The following AUTS2 variants were observed in gnomAD, a reference collection of about 807,000 sequenced individuals.
The protein encoded by AUTS2 is activator of transcription and developmental regulator AUTS2, also known as autism susceptibility gene 2 protein.
Under a neutral mutation model 112.4 loss-of-function variants are expected in AUTS2, and 17 were observed. The observed-to-expected ratio is 0.15, with a 90% CI of 0.10 to 0.23. The LOEUF (loss-of-function observed/expected upper bound fraction) is 0.23. Among genes scored for constraint, AUTS2 ranks in the 10% least tolerant of loss-of-function variants. AUTS2 has a pLI of 1.00. For synonymous variants in AUTS2, 751 were observed against 702.7 expected (o/e 1.07, Z -1.09); for missense variants, 1,510 against 1,701.6 (o/e 0.89, Z 1.98).
At chr7:69,838,090 A>G (rs778597820) in intron 1 of AUTS2, among the ~76,000 whole-genome samples, 3 of 152,182 alleles carry the variant, frequency 2.0e-5, no homozygotes, top group Non-Finnish European at 2.9e-5. Context: ...GGTATGGATA[A>G]ATACTGAAAT....
intron 1 of AUTS2, among the ~76,000 whole-genome samples, chr7:69,604,473 C>T (rs1433516940): frequency 6.6e-6 from 1 of 152,166 alleles, no homozygotes; most frequent in African/African-American, 2.4e-5. Context: ...GAAACAGGTA[C>T]TTGAATGCCT....
chr7:69,779,322 G>C (rs1789041697), intron 1 of AUTS2, among the ~76,000 whole-genome samples: 2 of 152,290 alleles, frequency 1.3e-5, no homozygotes, highest in South Asian at 2.1e-4. Context: ...GAATTGGAAA[G>C]GTTATCTTTT....
intron 5 of AUTS2, among the ~76,000 whole-genome samples, chr7:70,609,918 A>C (rs1803987897): frequency 6.6e-6 from 1 of 151,958 alleles, no homozygotes; most frequent in South Asian, 2.1e-4. Flanking sequence ...TTGGATACAT[A>C]CCCTAAAGTG....
intron 1 of AUTS2, among the ~76,000 whole-genome samples, chr7:69,823,117 T>C (rs1314419781): frequency 6.6e-6 from 1 of 152,158 alleles, no homozygotes; most frequent in African/African-American, 2.4e-5. Flanking sequence ...AAGGCAGAAC[T>C]GTAAAAAAAA....
At chr7:70,314,292 C>T (rs1289276436) in intron 4 of AUTS2, among the ~76,000 whole-genome samples, 3 of 152,220 alleles carry the variant, frequency 2.0e-5, no homozygotes, top group East Asian at 3.8e-4. Context: ...CCCCATTTTA[C>T]AAATTGGCAT....
chr7:69,872,357 C>G (rs1161123183), intron 1 of AUTS2, among the ~76,000 whole-genome samples: 1 of 152,214 alleles, frequency 6.6e-6, no homozygotes, highest in African/African-American at 2.4e-5. Context: ...TTATCTGTAA[C>G]TTGCTGAAAT....
chr7:70,635,314 C>A (rs1176318579), intron 5 of AUTS2, among the ~76,000 whole-genome samples: 1 of 152,192 alleles, frequency 6.6e-6, no homozygotes, highest in Non-Finnish European at 1.5e-5. Flanking sequence ...ACCCCCTTGG[C>A]TGCCAGTGAG....
At chr7:70,671,724 T>C (rs943187216) in intron 5 of AUTS2, among the ~76,000 whole-genome samples, 1 of 152,198 alleles carries the variant, frequency 6.6e-6, no homozygotes, top group African/African-American at 2.4e-5. Flanking sequence ...GACCGTACAG[T>C]GTCAGTGAGG....
intron 4 of AUTS2, among the ~76,000 whole-genome samples, chr7:70,154,798 C>T (rs550317796): frequency 6.6e-6 from 1 of 152,304 alleles, no homozygotes; most frequent in East Asian, 1.9e-4. Context: ...GGATCAGCCT[C>T]AGAGTGAAAC....
At chr7:70,455,564 TCA>T (rs1316474537) in intron 5 of AUTS2, among the ~76,000 whole-genome samples, 5 of 152,240 alleles carry the variant, frequency 3.3e-5, no homozygotes, top group African/African-American at 1.2e-4. Context: ...TGGCTACACA[TCA>T]CAGTCACTCA....
chr7:69,939,608 T>C (rs895482407), intron 2 of AUTS2, among the ~76,000 whole-genome samples: 5 of 152,202 alleles, frequency 3.3e-5, no homozygotes, highest in Non-Finnish European at 7.4e-5. Flanking sequence ...ACCTCTGAGT[T>C]GATGAATATT....
chr7:69,876,864 T>C (rs1793826878), intron 1 of AUTS2, among the ~76,000 whole-genome samples: 1 of 152,096 alleles, frequency 6.6e-6, no homozygotes, highest in African/African-American at 2.4e-5. Flanking sequence ...CTTGCTTTTC[T>C]GTTTAAATAC....
intron 4 of AUTS2, among the ~76,000 whole-genome samples, chr7:70,429,322 G>A (rs925350869): frequency 2.0e-5 from 3 of 152,220 alleles, no homozygotes; most frequent in Admixed American, 6.5e-5. Flanking sequence ...TCATTCTCTG[G>A]TTGGAAAGAC....
chr7:69,611,162 A>G (rs1022052667), intron 1 of AUTS2, among the ~76,000 whole-genome samples: 1 of 152,248 alleles, frequency 6.6e-6, no homozygotes, highest in East Asian at 1.9e-4. Flanking sequence ...TGTCTGTTGA[A>G]AATAGTTATT....
At chr7:70,485,648 C>CAA (rs34602716) in intron 5 of AUTS2, among the ~76,000 whole-genome samples, 3 of 151,120 alleles carry the variant, frequency 2.0e-5, no homozygotes, top group Non-Finnish European at 3.0e-5. Flanking sequence ...CTGAACCCTT[C>CAA]AAAAAAAAAG....
At chr7:69,700,130 G>A (rs956647307) in intron 1 of AUTS2, among the ~76,000 whole-genome samples, 5 of 152,162 alleles carry the variant, frequency 3.3e-5, no homozygotes, top group African/African-American at 1.2e-4. Context: ...CAACAGGGTG[G>A]TGGTGTTAAA....
At chr7:70,382,380 A>T (rs1793408028) in intron 4 of AUTS2, among the ~76,000 whole-genome samples, 1 of 152,076 alleles carries the variant, frequency 6.6e-6, no homozygotes, top group Non-Finnish European at 1.5e-5. Context: ...TGCCTGGCTA[A>T]TTTTCCTAAA....
intron 1 of AUTS2, among the ~76,000 whole-genome samples, chr7:69,807,081 G>A (rs1438776637): frequency 6.6e-6 from 1 of 152,050 alleles, no homozygotes; most frequent in Non-Finnish European, 1.5e-5. Flanking sequence ...CTTAAATGGG[G>A]TTGTGGTTGC....
intron 5 of AUTS2, among the ~76,000 whole-genome samples, chr7:70,475,804 G>A (rs1478105685): frequency 6.6e-6 from 1 of 152,196 alleles, no homozygotes; most frequent in East Asian, 1.9e-4. Context: ...GGGAGGCCAA[G>A]GTGAGAGGAT....
Sources: allele counts gnomAD v4.1 joint callset (sites outside exome capture counted in the v4.1 genomes callset), GRCh38; gene constraint gnomAD v4.1.1; transcripts MANE v1.5; gene names NCBI Gene and HGNC (gene_info 2026-07-23, HGNC 2026-07-21).